ROBO1: variants seen among roughly 807,000 people sequenced by gnomAD.
The protein encoded by ROBO1 is roundabout homolog 1.
ROBO1 carries 149 observed loss-of-function variants against 195.9 expected under a neutral mutation model. That is an observed-to-expected ratio of 0.76 (90% CI 0.67 to 0.87). ROBO1 has a LOEUF of 0.87. Among genes scored for constraint, ROBO1 ranks in the 40% least tolerant of loss-of-function variants. ROBO1 has a pLI of 0.00. For missense variants in ROBO1, 1,933 were observed against 2,068.3 expected, an observed-to-expected ratio of 0.93 and a Z score of 1.27; for synonymous variants, 816 against 733.2, an observed-to-expected ratio of 1.11 and a Z score of -1.82.
chr3:79,209,837 A>G (rs1344195161), intron 2 of ROBO1, among the ~76,000 whole-genome samples: 1 of 152,166 alleles, frequency 6.6e-6, no homozygotes, highest in Non-Finnish European at 1.5e-5. Flanking sequence ...TGAATTCAGT[A>G]AAGTTTCAGG....
At chr3:78,750,486 T>TAAAC (rs2082763865) in intron 4 of ROBO1, among the ~76,000 whole-genome samples, 1 of 147,822 alleles carries the variant, frequency 6.8e-6, no homozygotes, top group Non-Finnish European at 1.5e-5. Context: ...AATAAATAAA[T>TAAAC]AAATAAATAA....
chr3:79,481,268 A>G (rs761353525), intron 2 of ROBO1, among the ~76,000 whole-genome samples: 22 of 152,150 alleles, frequency 1.4e-4, no homozygotes, highest in Non-Finnish European at 2.6e-4. Context: ...AAAAATAAAG[A>G]TATTAGTAGA....
intron 2 of ROBO1, among the ~76,000 whole-genome samples, chr3:79,215,228 T>C (rs2108812220): frequency 6.6e-6 from 1 of 152,138 alleles, no homozygotes; most frequent in South Asian, 2.1e-4. Flanking sequence ...TAGCAATAAG[T>C]CTCAGTGTTA....
intron 2 of ROBO1, among the ~76,000 whole-genome samples, chr3:79,256,035 T>C (rs1437138308): frequency 6.6e-6 from 1 of 152,176 alleles, no homozygotes; most frequent in Admixed American, 6.5e-5. Context: ...TAATCTCCAT[T>C]GAATACAAAC....
At chr3:79,471,865 C>T (rs11915116) in intron 2 of ROBO1, among the ~76,000 whole-genome samples, 5,177 of 149,564 alleles carry the variant, frequency 0.035, 204 homozygotes, top group African/African-American at 0.099. Flanking sequence ...TGTTCTCCCT[C>T]ATAAGTGGGA....
At chr3:79,589,723 A>C (rs184659250) in intron 2 of ROBO1, 101 bp downstream of exon 2, 47 of 964,898 alleles carry the variant, frequency 4.9e-5, no homozygotes, top group Admixed American at 1.2e-4. Flanking sequence ...GTTCCAAAGA[A>C]AATGAACAAA....
chr3:78,747,261 T>C (rs1214706176), intron 4 of ROBO1, among the ~76,000 whole-genome samples: 1 of 152,178 alleles, frequency 6.6e-6, no homozygotes, highest in Non-Finnish European at 1.5e-5. Context: ...TCCTTTTATC[T>C]ATATGATGCC....
chr3:79,497,608 T>C (rs1939821889), intron 2 of ROBO1, among the ~76,000 whole-genome samples: 1 of 151,856 alleles, frequency 6.6e-6, no homozygotes, highest in Non-Finnish European at 1.5e-5. Context: ...GTAAATGACA[T>C]TTATTGATGA....
At chr3:79,327,251 G>C (rs2034249308) in intron 2 of ROBO1, among the ~76,000 whole-genome samples, 1 of 151,696 alleles carries the variant, frequency 6.6e-6, no homozygotes, top group Admixed American at 6.6e-5. Flanking sequence ...AAATACAAGA[G>C]ACTGACAAGG....
At chr3:79,622,343 A>G (rs1945033668) in intron 1 of ROBO1, among the ~76,000 whole-genome samples, 1 of 152,114 alleles carries the variant, frequency 6.6e-6, no homozygotes, top group Non-Finnish European at 1.5e-5. Flanking sequence ...CAGCACCCCA[A>G]CTGTGGTTGC....
intron 1 of ROBO1, among the ~76,000 whole-genome samples, chr3:79,765,100 AC>A (rs1156998332): frequency 2.6e-5 from 4 of 152,228 alleles, no homozygotes; most frequent in Non-Finnish European, 4.4e-5. Context: ...CATGTGATTA[AC>A]AGCTGTTTTC....
chr3:78,798,073 A>C (rs1016042466), intron 4 of ROBO1, among the ~76,000 whole-genome samples: 5 of 152,200 alleles, frequency 3.3e-5, no homozygotes, highest in African/African-American at 1.2e-4. Flanking sequence ...AGTATAAAGA[A>C]GATATTTTAT....
chr3:79,378,911 C>A (rs1227854293), intron 2 of ROBO1, among the ~76,000 whole-genome samples: 2 of 152,200 alleles, frequency 1.3e-5, no homozygotes, highest in Admixed American at 1.3e-4. Flanking sequence ...AAGCAAATCG[C>A]CCTGGAGCTT....
chr3:79,184,519 C>T (rs2081401114), intron 2 of ROBO1, among the ~76,000 whole-genome samples: 2 of 152,198 alleles, frequency 1.3e-5, no homozygotes, highest in African/African-American at 4.8e-5. Context: ...GACAGAAATT[C>T]CATCTGGGTG....
At chr3:78,686,922 CA>C (rs1349338282) in intron 9 of ROBO1, among the ~76,000 whole-genome samples, 2 of 151,830 alleles carry the variant, frequency 1.3e-5, no homozygotes, top group African/African-American at 2.4e-5. Flanking sequence ...ATATGTCACA[CA>C]AAAAAATAGA....
chr3:78,923,695 C>A (rs752106389), intron 4 of ROBO1, among the ~76,000 whole-genome samples: 3 of 152,096 alleles, frequency 2.0e-5, no homozygotes, highest in Non-Finnish European at 4.4e-5. Flanking sequence ...ACTCAAGCTG[C>A]CCGAGAAATC....
chr3:79,244,639 GTA>G (rs1017123283), intron 2 of ROBO1, among the ~76,000 whole-genome samples: 2 of 152,040 alleles, frequency 1.3e-5, no homozygotes, highest in African/African-American at 4.8e-5. Flanking sequence ...TGTGGTTAAA[GTA>G]GATAGGAGAC....
At chr3:78,927,555 G>A (rs1478156530) in intron 4 of ROBO1, among the ~76,000 whole-genome samples, 3 of 152,132 alleles carry the variant, frequency 2.0e-5, no homozygotes, top group Non-Finnish European at 2.9e-5. Context: ...TTACAGAAAA[G>A]AGGTATGTTT....
intron 3 of ROBO1, among the ~76,000 whole-genome samples, chr3:78,949,866 C>A (rs2040675612): frequency 6.6e-6 from 1 of 152,170 alleles, no homozygotes; most frequent in Non-Finnish European, 1.5e-5. Flanking sequence ...TGAACAGACA[C>A]TTCTCAAAAG....
Sources: allele counts gnomAD v4.1 joint callset (sites outside exome capture counted in the v4.1 genomes callset), GRCh38; gene constraint gnomAD v4.1.1; transcripts MANE v1.5; gene names NCBI Gene and HGNC (gene_info 2026-07-23, HGNC 2026-07-21).